Variants in YAP1 observed in about 807,000 individuals in gnomAD.
YAP1 encodes the protein transcriptional coactivator YAP1.
YAP1 carries 5 observed loss-of-function variants against 56.9 expected under a neutral mutation model. The observed-to-expected ratio is 0.09, with a 90% CI of 0.05 to 0.18. The LOEUF (loss-of-function observed/expected upper bound fraction) is 0.18. YAP1 is among the 10% of genes least tolerant of loss of function. The pLI, the probability that YAP1 is intolerant of heterozygous loss-of-function variation, is 1.00. For synonymous variants in YAP1, 265 were observed against 248.1 expected (o/e 1.07, Z -0.64); for missense variants, 539 against 651.8 (o/e 0.83, Z 1.88).
chr11:102,122,783 A>G (rs1446345726), intron 2 of YAP1, among the ~76,000 whole-genome samples: 1 of 150,756 alleles, frequency 6.6e-6, no homozygotes, highest in Non-Finnish European at 1.5e-5. Context: ...AATCCCAGCT[A>G]CTTGGGAGGC....
intron 2 of YAP1, among the ~76,000 whole-genome samples, chr11:102,117,226 CTTTGTAATCAATAT>C (rs1261146105): frequency 6.6e-6 from 1 of 152,108 alleles, no homozygotes; most frequent in Non-Finnish European, 1.5e-5. Context: ...ATAGGGCTGT[CTTTGTAATCAATAT>C]TTATATACTT....
Position 102,229,919 on chromosome 11 carries a change from A to T in YAP1, c.1494A>T (p.Glu498Asp), listed in dbSNP as rs758047587. The T allele has an allele frequency of 6.2e-7, 1 of 1,614,002 alleles. No individual in the cohort carries two copies. The highest frequency in any genetic ancestry group is 1.3e-5 in the African/African-American group (1 of 74,936). ...TGGCTGCCACCAAGCTAGATAAAGA[A>T]AGCTTTCTTACATGGTTATAGAGCC... ...SVLAATKLDKESFLTWL is the reference protein window; with the variant it reads ...SVLAATKLDKDSFLTWL The change falls in exon 9 of 9, where the codon GAA (glutamate) becomes GAT (aspartate). Residue 498 changes from glutamate (E) to aspartate (D), a missense_variant. Physicochemically the swap from Glu to Asp is conservative, Grantham distance 45. Coordinates refer to ENST00000282441, the MANE Select transcript of YAP1 (RefSeq NM_001130145.3).
intron 2 of YAP1, among the ~76,000 whole-genome samples, chr11:102,129,503 A>G (rs1434420961): frequency 6.6e-6 from 1 of 151,620 alleles, no homozygotes; most frequent in Non-Finnish European, 1.5e-5. Context: ...CTGTAATCCC[A>G]GCTGCTCGGG....
chr11:102,137,748 C>CTTTT (rs5794157), intron 2 of YAP1, among the ~76,000 whole-genome samples: 1 of 140,000 alleles, frequency 7.1e-6, no homozygotes, highest in Non-Finnish European at 1.5e-5. Flanking sequence ...GAGTCATTGA[C>CTTTT]TTTTTTTTTT....
chr11:102,125,680 C>T (rs1157935827), intron 2 of YAP1, among the ~76,000 whole-genome samples: 1 of 152,094 alleles, frequency 6.6e-6, no homozygotes, highest in African/African-American at 2.4e-5. Flanking sequence ...CACGCCTGGC[C>T]TGTGTATCAT....
intron 4 of YAP1, chr11:102,186,813 A>AGTGTGTGTGTGTGTGT (rs1420505732): frequency 1.6e-3 from 75 of 47,178 alleles, no homozygotes; most frequent in African/African-American, 3.0e-3. Flanking sequence ...CTTTTTAAAA[A>AGTGTGTGTGTGTGTGT]ATGTGTGTGT....
chr11:102,185,323 ATC>A (rs1466263601), intron 3 of YAP1, among the ~76,000 whole-genome samples: 1 of 152,164 alleles, frequency 6.6e-6, no homozygotes, highest in Non-Finnish European at 1.5e-5. Context: ...CTTTAGTCCT[ATC>A]TCTCAAATGA....
Position 102,110,706 on chromosome 11 carries a change from GC to G in YAP1, c.-137del. The G allele has an allele frequency of 1.5e-6, 1 of 673,770 alleles. No individual in the cohort carries two copies. The highest frequency in any genetic ancestry group is 2.0e-6 in the Non-Finnish European group (1 of 502,990). 41.7% of individuals were successfully genotyped at this position (673,770 alleles called of 1,614,324 possible). A position where few individuals can be genotyped will look rare whatever the true frequency, so the allele number is the denominator to read the frequency against. ...GCGGGGGATGCGGGGCCGCGGCGCAGCCCCCCGGCCCTGAGAGCGAGGACAG... is the reference window on the plus strand; with the variant it reads ...GCGGGGGATGCGGGGCCGCGGCGCAGCCCCCGGCCCTGAGAGCGAGGACAG... On this transcript the variant is annotated 5_prime_UTR_variant, in exon 1 of 9. It removes the in-frame stop codon of an upstream open reading frame in the 5' UTR. Transcript: ENST00000282441.
At chr11:102,176,293 A>G (rs984265121) in intron 3 of YAP1, among the ~76,000 whole-genome samples, 1 of 152,198 alleles carries the variant, frequency 6.6e-6, no homozygotes, top group African/African-American at 2.4e-5. Context: ...ATAATTCCAC[A>G]TAGCTTATAG....
intron 2 of YAP1, among the ~76,000 whole-genome samples, chr11:102,150,703 T>C (rs919824086): frequency 2.6e-5 from 4 of 151,996 alleles, no homozygotes; most frequent in Non-Finnish European, 4.4e-5. Context: ...CCTTAAAACA[T>C]GTTAAAAATA....
chr11:102,208,861 G>C (rs1467315939), intron 5 of YAP1, among the ~76,000 whole-genome samples: 1 of 152,080 alleles, frequency 6.6e-6, no homozygotes, highest in Non-Finnish European at 1.5e-5. Context: ...TCGCCATTTT[G>C]TTTTATGCCA....
intron 2 of YAP1, among the ~76,000 whole-genome samples, chr11:102,142,508 C>T (rs1037088029): frequency 9.2e-5 from 14 of 152,060 alleles, no homozygotes; most frequent in Admixed American, 9.2e-4. Context: ...TCCTGAGAGC[C>T]AAAAAAGGGC....
chr11:102,223,051 C>G (rs1364503761), intron 6 of YAP1, among the ~76,000 whole-genome samples: 2 of 151,298 alleles, frequency 1.3e-5, no homozygotes, highest in African/African-American at 4.9e-5. Context: ...CGAGACCATC[C>G]TGGGTAACAT....
At chr11:102,189,416 A>G (rs1482813702) in intron 4 of YAP1, among the ~76,000 whole-genome samples, 1 of 152,212 alleles carries the variant, frequency 6.6e-6, no homozygotes, top group East Asian at 1.9e-4. Context: ...TTTATATTAT[A>G]AAAAGATGTA....
chr11:102,209,684 T>G, intron 6 of YAP1, 120 bp downstream of exon 6: 2 of 915,024 alleles, frequency 2.2e-6, no homozygotes, highest in African/African-American at 1.7e-5. Flanking sequence ...AGAATAACTT[T>G]GAGCCATCTT....
intron 3 of YAP1, among the ~76,000 whole-genome samples, chr11:102,170,509 A>G (rs181675962): frequency 4.6e-5 from 7 of 152,200 alleles, no homozygotes; most frequent in Non-Finnish European, 1.5e-5. Flanking sequence ...GCTTTACTTT[A>G]GAGATTATCT....
Position 102,143,502 on chromosome 11 carries a change from A to G in YAP1, c.573-18954A>G, listed in dbSNP as rs569355149. On this transcript the variant is annotated intron_variant, in intron 2 of 8. Coordinates refer to ENST00000282441, the MANE Select transcript of YAP1 (RefSeq NM_001130145.3). Reference sequence around the variant, plus strand: ...AGACCCTCATTGTACAGATGTGGAAATGTTCACCAACATTAGCCAGCACAC... The same window carrying G: ...AGACCCTCATTGTACAGATGTGGAAGTGTTCACCAACATTAGCCAGCACAC... Among the ~76,000 whole-genome samples, 12 of 152,314 alleles carry G rather than the reference A, an allele frequency of 7.9e-5. No homozygotes were observed. In the East Asian group the frequency reaches 1.9e-3, roughly 24 times the overall value.
chr11:102,110,627 C>A lies in YAP1; in HGVS notation c.-222C>A. The A allele has an allele frequency of 3.7e-6, 1 of 267,266 alleles. No individual in the cohort carries two copies. The highest frequency in any genetic ancestry group is 6.6e-6 in the Non-Finnish European group (1 of 150,942). 16.6% of individuals were successfully genotyped at this position (267,266 alleles called of 1,614,324 possible). A position where few individuals can be genotyped will look rare whatever the true frequency, so the allele number is the denominator to read the frequency against. ...GAGTGCCTCGCAGCCCCTCCCGAGG[C>A]GCAGCCGCCAGACCAGTGGAGCCGG... On this transcript the variant is annotated 5_prime_UTR_variant, in exon 1 of 9. Transcript: ENST00000282441.
chr11:102,112,640 G>C, intron 1 of YAP1: 1 of 985,060 alleles, frequency 1.0e-6, no homozygotes. Flanking sequence ...AAGGGTTTTG[G>C]AACTCAGAAA....
Sources: allele counts gnomAD v4.1 joint callset (sites outside exome capture counted in the v4.1 genomes callset), GRCh38; gene constraint gnomAD v4.1.1; transcripts MANE v1.5; gene names NCBI Gene and HGNC (gene_info 2026-07-23, HGNC 2026-07-21).